Variants in PCSK2 observed in about 807,000 individuals in gnomAD.
PCSK2 encodes the protein proprotein convertase subtilisin/kexin type 2, also known as neuroendocrine convertase 2.
Under a neutral mutation model 69.7 loss-of-function variants are expected in PCSK2, and 14 were observed. The observed-to-expected ratio is 0.20, with a 90% CI of 0.13 to 0.31. PCSK2 has a LOEUF of 0.31. Among genes scored for constraint, PCSK2 ranks in the 10% least tolerant of loss-of-function variants. The probability of loss-of-function intolerance (pLI) is 1.00; values close to 1 mark genes in which losing one functional copy is unlikely to be tolerated. For missense variants in PCSK2, 544 were observed against 842.5 expected, an observed-to-expected ratio of 0.65 and a Z score of 4.39; for synonymous variants, 307 against 320.7, an observed-to-expected ratio of 0.96 and a Z score of 0.46.
intron 5 of PCSK2, among the ~76,000 whole-genome samples, chr20:17,407,731 C>T (rs1179199219): frequency 2.0e-5 from 3 of 151,950 alleles, no homozygotes; most frequent in East Asian, 1.9e-4. Flanking sequence ...GGGAAGGAGT[C>T]GAAAAACTGG....
At chr20:17,317,313 C>A (rs572057751) in intron 2 of PCSK2, among the ~76,000 whole-genome samples, 1 of 152,236 alleles carries the variant, frequency 6.6e-6, no homozygotes, top group South Asian at 2.1e-4. Flanking sequence ...AAACTTTATT[C>A]CTTGGAACAT....
chr20:17,265,430 G>T (rs1987561717), intron 2 of PCSK2, among the ~76,000 whole-genome samples: 1 of 151,936 alleles, frequency 6.6e-6, no homozygotes, highest in South Asian at 2.1e-4. Flanking sequence ...GAAACATATA[G>T]AAATTTTCCA....
chr20:17,410,433 C>G (rs536476981), intron 6 of PCSK2, among the ~76,000 whole-genome samples: 3 of 152,270 alleles, frequency 2.0e-5, no homozygotes, highest in African/African-American at 7.2e-5. Context: ...GCAAGTTGAC[C>G]TGAGACCCCT....
At chr20:17,318,121 A>ATATTC (rs2123124938) in intron 2 of PCSK2, among the ~76,000 whole-genome samples, 1 of 152,348 alleles carries the variant, frequency 6.6e-6, no homozygotes, top group South Asian at 2.1e-4. Flanking sequence ...CATGCAGGTT[A>ATATTC]TATTCTGATT....
chr20:17,341,434 A>G (rs1313037774), intron 2 of PCSK2, among the ~76,000 whole-genome samples: 1 of 151,822 alleles, frequency 6.6e-6, no homozygotes, highest in Non-Finnish European at 1.5e-5. Flanking sequence ...CCCAGTATCT[A>G]CCTCCTTTCC....
intron 2 of PCSK2, among the ~76,000 whole-genome samples, chr20:17,304,833 G>A (rs1162772294): frequency 6.6e-6 from 1 of 152,214 alleles, no homozygotes; most frequent in Non-Finnish European, 1.5e-5. Context: ...ATAGTAGGGA[G>A]AGAATTTTTC....
chr20:17,307,760 C>T (rs1384416413), intron 2 of PCSK2, among the ~76,000 whole-genome samples: 1 of 152,072 alleles, frequency 6.6e-6, no homozygotes, highest in Non-Finnish European at 1.5e-5. Flanking sequence ...AAATAAAAAT[C>T]TATATATCAA....
chr20:17,469,416 G>A (rs765442214), intron 11 of PCSK2, among the ~76,000 whole-genome samples: 8 of 152,174 alleles, frequency 5.3e-5, no homozygotes, highest in Non-Finnish European at 1.0e-4. Flanking sequence ...CTGGGTGTCA[G>A]GGAGAAACAC....
Position 17,409,325 on chromosome 20 carries a change from T to G in PCSK2, c.606T>G (p.Asp202Glu), listed in dbSNP as rs755119803. Reference protein sequence around the residue: ...NDPYPYPRYTDDWFNSHGTRC... With the variant: ...NDPYPYPRYTEDWFNSHGTRC... ...CCTATCCTTACCCTCGGTACACAGA[T>G]GACTGGTTTAACAGGTAAACTGGGC... is the stretch of plus-strand genomic sequence containing the variant. Residue 202 changes from aspartate to glutamate, a missense_variant, in exon 6 of 12, where the codon GAT becomes GAG. Asp to Glu is a conservative substitution (Grantham distance 45, BLOSUM62 2). Coordinates refer to ENST00000262545, the MANE Select transcript of PCSK2 (RefSeq NM_002594.5). 6.2e-7 allele frequency: 1 copy of G among 1,613,044 alleles called. No homozygotes were observed. The highest frequency in any genetic ancestry group is 8.5e-7 in the Non-Finnish European group (1 of 1,179,038).
At chr20:17,366,689 G>A (rs960538361) in intron 4 of PCSK2, among the ~76,000 whole-genome samples, 1 of 152,028 alleles carries the variant, frequency 6.6e-6, no homozygotes, top group Non-Finnish European at 1.5e-5. Flanking sequence ...TACTTTTTCC[G>A]AATCATGTTT....
At chr20:17,347,934 G>A (rs1340503794) in intron 2 of PCSK2, among the ~76,000 whole-genome samples, 1 of 49,362 alleles carries the variant, frequency 2.0e-5, no homozygotes. Flanking sequence ...AGAGAAAAAA[G>A]AGAAAGAAAG....
chr20:17,417,496 A>G (rs946762580), intron 6 of PCSK2, among the ~76,000 whole-genome samples: 1 of 152,204 alleles, frequency 6.6e-6, no homozygotes, highest in Non-Finnish European at 1.5e-5. Context: ...ATCCTCACGC[A>G]CTATGGCTTG....
Position 17,427,157 on chromosome 20 carries a change from A to G in PCSK2, c.621-2278A>G, listed in dbSNP as rs562085837. ...AATAATAGGCTGTTGTGAGGATTTA[A>G]TAGGATAATACATGTAACTCTCTCA... On this transcript the variant is annotated intron_variant, in intron 6 of 11. Transcript: ENST00000262545. 2.6e-5 allele frequency among the ~76,000 whole-genome samples: 4 copies of G among 152,312 alleles called. No homozygotes were observed. The South Asian group carries it at 8.3e-4, about 32-fold the overall frequency.
Position 17,409,175 on chromosome 20 carries a change from G to T in PCSK2, c.544-88G>T, listed in dbSNP as rs76203264. 7 of 957,606 alleles carry T rather than the reference G, an allele frequency of 7.3e-6. No homozygotes were observed. The East Asian group carries it at 1.7e-4, about 23-fold the overall frequency. The allele number at this position is 957,606 out of a possible 1,614,324, so 59.3% of individuals were successfully genotyped here. ...GCACACTAATCCAGCACTCCAGGGA[G>T]GACTAGAAATGTTTAAAGTCTCCCA... On this transcript the variant is annotated intron_variant, in intron 5 of 11. Coordinates refer to ENST00000262545, the MANE Select transcript of PCSK2 (RefSeq NM_002594.5).
At position 17,360,520 on chromosome 20, in the gene PCSK2, T is replaced by C. The variant is rs770161957; in HGVS notation, c.397-12T>C. ...ACTAATACCATTCTCTGCTTTGAAA[T>C]TCCTGTACCAGATCAATACTGGGCA... On this transcript the variant is annotated splice_polypyrimidine_tract_variant and intron_variant, in intron 3 of 11. Coordinates refer to ENST00000262545, the MANE Select transcript of PCSK2 (RefSeq NM_002594.5). 2 of 1,559,498 alleles carry C rather than the reference T, an allele frequency of 1.3e-6. No individual in the cohort carries two copies. The highest frequency in any genetic ancestry group is 2.2e-5 in the East Asian group (1 of 44,452).
chr20:17,445,687 G>A (rs531310909), intron 8 of PCSK2, among the ~76,000 whole-genome samples: 9 of 152,328 alleles, frequency 5.9e-5, no homozygotes, highest in South Asian at 4.2e-4. Context: ...ACACCATGGC[G>A]GCGAGTGCCA....
intron 5 of PCSK2, among the ~76,000 whole-genome samples, chr20:17,383,618 C>G (rs2031149614): frequency 6.6e-6 from 1 of 151,902 alleles, no homozygotes; most frequent in South Asian, 2.1e-4. Flanking sequence ...ATTTTCCACT[C>G]AGTTAAGTAT....
intron 5 of PCSK2, among the ~76,000 whole-genome samples, chr20:17,375,723 A>T (rs1328622894): frequency 2.0e-5 from 3 of 152,004 alleles, no homozygotes; most frequent in Non-Finnish European, 4.4e-5. Context: ...TAGCTTGGAA[A>T]CTGTGAGTGA....
chr20:17,344,093 C>T (rs1321989155), intron 2 of PCSK2, among the ~76,000 whole-genome samples: 2 of 152,216 alleles, frequency 1.3e-5, no homozygotes, highest in African/African-American at 4.8e-5. Flanking sequence ...TCCAGGAGCA[C>T]TATTGCAAAG....
Sources: allele counts gnomAD v4.1 joint callset (sites outside exome capture counted in the v4.1 genomes callset), GRCh38; gene constraint gnomAD v4.1.1; transcripts MANE v1.5; gene names NCBI Gene and HGNC (gene_info 2026-07-23, HGNC 2026-07-21).